Variants in ARHGAP26 observed in about 807,000 individuals in gnomAD.
The protein encoded by ARHGAP26 is Rho GTPase activating protein 26, also known as rho GTPase-activating protein 26.
ARHGAP26 carries 38 observed loss-of-function variants against 104.8 expected under a neutral mutation model. The ratio of observed to expected loss-of-function variants is 0.36; its 90% CI spans 0.28 to 0.48. The LOEUF (loss-of-function observed/expected upper bound fraction) is 0.48, where lower values mean the gene tolerates loss of function less well. Among genes scored for constraint, ARHGAP26 ranks in the 20% least tolerant of loss-of-function variants. The pLI, the probability that ARHGAP26 is intolerant of heterozygous loss-of-function variation, is 0.99. For synonymous variants in ARHGAP26, 341 were observed against 340.0 expected, an observed-to-expected ratio of 1.00 and a Z score of -0.03; for missense variants, 704 against 947.9, an observed-to-expected ratio of 0.74 and a Z score of 3.38.
chr5:142,919,514 C>G, intron 10 of ARHGAP26: 1 of 397,746 alleles, frequency 2.5e-6, no homozygotes. Flanking sequence ...GAGGGCCTTT[C>G]TCAATGAAGC....
intron 12 of ARHGAP26, among the ~76,000 whole-genome samples, chr5:143,023,525 G>T (rs192183): frequency 0.47 from 70,693 of 151,990 alleles, 19,458 homozygotes; most frequent in African/African-American, 0.76. Context: ...AAGAGGATTT[G>T]TTTTTCTTTT....
intron 20 of ARHGAP26, among the ~76,000 whole-genome samples, chr5:143,161,400 C>T (rs1392023468): frequency 6.6e-6 from 1 of 152,164 alleles, no homozygotes; most frequent in Non-Finnish European, 1.5e-5. Flanking sequence ...AACTCCTCCT[C>T]CAGCCCCCAA....
At chr5:143,086,211 A>T (rs913361407) in intron 17 of ARHGAP26, among the ~76,000 whole-genome samples, 3 of 152,232 alleles carry the variant, frequency 2.0e-5, no homozygotes, top group East Asian at 3.9e-4. Context: ...CCAGATGGCT[A>T]TATTAAGTTG....
intron 1 of ARHGAP26, among the ~76,000 whole-genome samples, chr5:142,810,703 A>G (rs1193251186): frequency 6.6e-6 from 1 of 152,180 alleles, no homozygotes; most frequent in African/African-American, 2.4e-5. Context: ...TTTTTGCTAC[A>G]TTGATGTAAT....
chr5:143,182,867 G>C (rs1243035755), intron 20 of ARHGAP26, among the ~76,000 whole-genome samples: 1 of 152,046 alleles, frequency 6.6e-6, no homozygotes, highest in East Asian at 1.9e-4. Flanking sequence ...TTAATTTTTA[G>C]GGTACAGTCA....
At chr5:142,808,317 C>T (rs1371020298) in intron 1 of ARHGAP26, among the ~76,000 whole-genome samples, 1 of 134,544 alleles carries the variant, frequency 7.4e-6, no homozygotes, top group African/African-American at 2.7e-5. Flanking sequence ...AGGTGATTTG[C>T]ATGTCTTTTC....
At chr5:142,914,314 A>C (rs894854551) in intron 10 of ARHGAP26, among the ~76,000 whole-genome samples, 8 of 152,260 alleles carry the variant, frequency 5.3e-5, no homozygotes, top group Non-Finnish European at 7.3e-5. Context: ...AAATTCGTGG[A>C]AACTAACTGC....
chr5:143,121,738 C>T (rs1405990275), intron 18 of ARHGAP26, among the ~76,000 whole-genome samples: 1 of 152,028 alleles, frequency 6.6e-6, no homozygotes, highest in East Asian at 1.9e-4. Flanking sequence ...TTCCTCATCC[C>T]CCAATTTGAA....
intron 17 of ARHGAP26, among the ~76,000 whole-genome samples, chr5:143,108,028 T>C (rs962165589): frequency 6.6e-6 from 1 of 152,254 alleles, no homozygotes; most frequent in Non-Finnish European, 1.5e-5. Flanking sequence ...TACCACTATA[T>C]ATAAACACTG....
chr5:142,809,734 T>A lies in ARHGAP26; in HGVS notation c.154+38819T>A, dbSNP rs372150473. Among the ~76,000 whole-genome samples, 7 of 152,358 alleles carry A rather than the reference T, an allele frequency of 4.6e-5. 1 individual carries two copies. Among genetic ancestry groups the A allele is most frequent in the African/African-American group, 1.7e-4 (7 of 41,592 alleles). ...AGTCCTGCTGGAGCCATCCACTCCT[T>A]CATTCATCTGTCCATCCATCCATCC... On this transcript the variant is annotated intron_variant, in intron 1 of 22. Coordinates refer to ENST00000645722, the MANE Select transcript of ARHGAP26 (RefSeq NM_001135608.3).
chr5:143,001,077 AG>A (rs1162603208), intron 11 of ARHGAP26, among the ~76,000 whole-genome samples: 2 of 152,224 alleles, frequency 1.3e-5, no homozygotes, highest in African/African-American at 2.4e-5. Flanking sequence ...TAGCTATAAA[AG>A]AATATATATG....
At chr5:143,116,601 C>G (rs1255059546) in intron 17 of ARHGAP26, among the ~76,000 whole-genome samples, 1 of 152,212 alleles carries the variant, frequency 6.6e-6, no homozygotes, top group African/African-American at 2.4e-5. Context: ...CTCTGCCTTA[C>G]AAGCCCTACA....
intron 11 of ARHGAP26, among the ~76,000 whole-genome samples, chr5:142,953,235 A>G (rs1006720298): frequency 6.6e-6 from 1 of 152,112 alleles, no homozygotes; most frequent in Non-Finnish European, 1.5e-5. Context: ...AGCCTCTGAA[A>G]TTTAATTCAG....
chr5:142,895,529 C>T (rs186296609), intron 6 of ARHGAP26, among the ~76,000 whole-genome samples: 373 of 152,302 alleles, frequency 2.4e-3, no homozygotes, highest in Non-Finnish European at 4.3e-3. Flanking sequence ...CACGCCCGAC[C>T]AAGAAAGGAG....
intron 12 of ARHGAP26, among the ~76,000 whole-genome samples, chr5:143,030,707 G>A (rs1413574552): frequency 2.6e-5 from 4 of 152,176 alleles, no homozygotes; most frequent in African/African-American, 7.2e-5. Flanking sequence ...ACTGCCCCTC[G>A]GCAACTCTCT....
chr5:142,925,238 C>T (rs796593558), intron 10 of ARHGAP26, among the ~76,000 whole-genome samples: 19 of 152,290 alleles, frequency 1.2e-4, no homozygotes, highest in East Asian at 3.9e-4. Context: ...CCCATGAAGA[C>T]GAGTGACAGC....
intron 1 of ARHGAP26, among the ~76,000 whole-genome samples, chr5:142,811,123 A>G (rs1322739380): frequency 2.6e-5 from 4 of 152,218 alleles, no homozygotes; most frequent in African/African-American, 4.8e-5. Context: ...TGCCCTGCCA[A>G]TGGAAGTAAA....
intron 9 of ARHGAP26, among the ~76,000 whole-genome samples, chr5:142,910,933 A>G (rs1368266364): frequency 6.6e-6 from 1 of 152,186 alleles, no homozygotes; most frequent in Non-Finnish European, 1.5e-5. Flanking sequence ...GATAACATAA[A>G]TATCTTTTAA....
chr5:143,016,486 C>T (rs1173080670), intron 12 of ARHGAP26, among the ~76,000 whole-genome samples: 2 of 152,076 alleles, frequency 1.3e-5, no homozygotes, highest in Non-Finnish European at 2.9e-5. Context: ...GGGCGGATCA[C>T]AAGGTCAGGA....
Sources: gnomAD v4.1 joint callset for allele counts (sites outside exome capture counted in the v4.1 genomes callset) on GRCh38, gnomAD v4.1.1 for gene constraint, MANE v1.5 for transcripts, NCBI Gene and HGNC (gene_info 2026-07-23, HGNC 2026-07-21) for gene names.